The following SAMD3 variants were observed in gnomAD, a reference collection of about 807,000 sequenced individuals.
The protein encoded by SAMD3 is sterile alpha motif domain-containing protein 3.
Under a neutral mutation model 58.5 loss-of-function variants are expected in SAMD3, and 63 were observed. The ratio of observed to expected loss-of-function variants is 1.08; its 90% CI spans 0.88 to 1.33. SAMD3 has a LOEUF of 1.33. Among genes scored for constraint, SAMD3 ranks in the 40% most tolerant of loss-of-function variants. The probability of loss-of-function intolerance (pLI) is 0.00; values close to 1 mark genes in which losing one functional copy is unlikely to be tolerated. For missense variants in SAMD3, 604 were observed against 608.4 expected (o/e 0.99, Z 0.08); for synonymous variants, 220 against 210.3 (o/e 1.05, Z -0.40).
chr6:130,360,603 CG>C (rs1777956913), intron 1 of SAMD3, among the ~76,000 whole-genome samples: 1 of 152,084 alleles, frequency 6.6e-6, no homozygotes, highest in African/African-American at 2.4e-5. Flanking sequence ...ACCACAGGAC[CG>C]GGGCAAAATT....
intron 2 of SAMD3, among the ~76,000 whole-genome samples, chr6:130,259,789 C>T (rs1237156372): frequency 6.6e-6 from 1 of 152,140 alleles, no homozygotes; most frequent in African/African-American, 2.4e-5. Context: ...ATCCTTTACC[C>T]AGATTCCTCT....
intron 5 of SAMD3, among the ~76,000 whole-genome samples, chr6:130,194,580 A>G (rs878931509): frequency 1.3e-5 from 2 of 152,140 alleles, no homozygotes; most frequent in Non-Finnish European, 2.9e-5. Flanking sequence ...GCGGCCAGGC[A>G]TTTCTCCAGA....
intron 2 of SAMD3, among the ~76,000 whole-genome samples, chr6:130,291,415 C>G (rs1485842144): frequency 6.6e-6 from 1 of 152,128 alleles, no homozygotes; most frequent in Non-Finnish European, 1.5e-5. Flanking sequence ...GATAATTGAC[C>G]TTTTGAAGAT....
chr6:130,336,902 G>T (rs889851574), intron 1 of SAMD3, among the ~76,000 whole-genome samples: 2 of 152,144 alleles, frequency 1.3e-5, no homozygotes, highest in African/African-American at 4.8e-5. Flanking sequence ...GCAAATATAT[G>T]CCTCAGCTAT....
intron 1 of SAMD3, among the ~76,000 whole-genome samples, chr6:130,347,835 G>A (rs539102948): frequency 2.0e-5 from 3 of 152,256 alleles, no homozygotes; most frequent in South Asian, 2.1e-4. Context: ...GAGAAAGCTC[G>A]GGTTACCCAC....
chr6:130,249,902 T>C (rs1012576766), intron 2 of SAMD3, among the ~76,000 whole-genome samples: 3 of 152,110 alleles, frequency 2.0e-5, no homozygotes, highest in African/African-American at 7.2e-5. Context: ...ATAGTCTCAC[T>C]GAGACCCACA....
chr6:130,314,173 GA>G (rs927074001), intron 1 of SAMD3, among the ~76,000 whole-genome samples: 3 of 152,138 alleles, frequency 2.0e-5, no homozygotes, highest in Non-Finnish European at 2.9e-5. Context: ...TTTGGTTAAA[GA>G]AAAAAATGGA....
chr6:130,365,454 C>G (rs1014610166), upstream of SAMD3: 38 of 985,440 alleles, frequency 3.9e-5, no homozygotes, highest in Admixed American at 6.1e-5. Context: ...GCTCGCGCAG[C>G]GCCCGCGCAG....
chr6:130,236,973 C>T (rs754676750), intron 2 of SAMD3, among the ~76,000 whole-genome samples: 2 of 152,028 alleles, frequency 1.3e-5, no homozygotes, highest in Non-Finnish European at 2.9e-5. Flanking sequence ...AAATATTGCC[C>T]AATTTTATCC....
intron 2 of SAMD3, among the ~76,000 whole-genome samples, chr6:130,278,571 C>G (rs1437815247): frequency 6.6e-6 from 1 of 152,126 alleles, no homozygotes; most frequent in Admixed American, 6.5e-5. Flanking sequence ...GCTTAGCCAT[C>G]TAGTTGGCTT....
chr6:130,336,994 C>T (rs1000421965), intron 1 of SAMD3, among the ~76,000 whole-genome samples: 1 of 152,198 alleles, frequency 6.6e-6, no homozygotes, highest in African/African-American at 2.4e-5. Context: ...GTAAGACCAG[C>T]CTGACACAAA....
intron 1 of SAMD3, among the ~76,000 whole-genome samples, chr6:130,363,256 G>A (rs1359941064): frequency 1.3e-5 from 2 of 152,150 alleles, no homozygotes; most frequent in Non-Finnish European, 2.9e-5. Context: ...TACATTTAAG[G>A]CAAGAGGAAA....
At chr6:130,249,692 C>T (rs1454256582) in intron 2 of SAMD3, among the ~76,000 whole-genome samples, 1 of 152,060 alleles carries the variant, frequency 6.6e-6, no homozygotes, top group Non-Finnish European at 1.5e-5. Flanking sequence ...ACACTCCAGA[C>T]CCACCTAGTA....
At chr6:130,349,590 C>A (rs1029638686) in intron 1 of SAMD3, among the ~76,000 whole-genome samples, 1 of 152,048 alleles carries the variant, frequency 6.6e-6, no homozygotes, top group Non-Finnish European at 1.5e-5. Flanking sequence ...AGCTTACCAA[C>A]CAAAAAAAGT....
At chr6:130,185,434 C>T (rs1582838279) in intron 5 of SAMD3, among the ~76,000 whole-genome samples, 1 of 151,822 alleles carries the variant, frequency 6.6e-6, no homozygotes, top group African/African-American at 2.4e-5. Context: ...GTTCAAGTGA[C>T]TCCCCTGCCT....
intron 2 of SAMD3, among the ~76,000 whole-genome samples, chr6:130,245,729 C>T (rs1773519796): frequency 6.6e-6 from 1 of 152,172 alleles, no homozygotes; most frequent in Non-Finnish European, 1.5e-5. Flanking sequence ...GTATGTAAAA[C>T]TCTACATAAC....
At chr6:130,147,425 G>C (rs1788734454) in intron 9 of SAMD3, among the ~76,000 whole-genome samples, 1 of 152,218 alleles carries the variant, frequency 6.6e-6, no homozygotes, top group African/African-American at 2.4e-5. Flanking sequence ...AAGATGTGAA[G>C]GGAAGGATGA....
At chr6:130,364,826 C>T (rs1169986165) in intron 1 of SAMD3, among the ~76,000 whole-genome samples, 1 of 152,016 alleles carries the variant, frequency 6.6e-6, no homozygotes, top group Non-Finnish European at 1.5e-5. Context: ...TTCTCATTGC[C>T]ATATCTGATT....
chr6:130,231,574 T>A (rs56345008), intron 2 of SAMD3, among the ~76,000 whole-genome samples: 1 of 150,416 alleles, frequency 6.6e-6, no homozygotes, highest in Non-Finnish European at 1.5e-5. Flanking sequence ...CAAAAAAAAA[T>A]AAAAATAAAA....
Sources: gnomAD v4.1 joint callset for allele counts (sites outside exome capture counted in the v4.1 genomes callset) on GRCh38, gnomAD v4.1.1 for gene constraint, MANE v1.5 for transcripts, NCBI Gene and HGNC (gene_info 2026-07-23, HGNC 2026-07-21) for gene names.